SEMA5A: variants seen among roughly 807,000 people sequenced by gnomAD.
The protein encoded by SEMA5A is semaphorin 5A.
Under a neutral mutation model 135.5 loss-of-function variants are expected in SEMA5A, and 55 were observed. That is an observed-to-expected ratio of 0.41 (90% CI 0.33 to 0.51). SEMA5A has a LOEUF of 0.51. Ranked by LOEUF, SEMA5A falls within the 20% of genes least tolerant of loss-of-function variation. The pLI is 0.37. For missense variants in SEMA5A, 1,290 were observed against 1,419.9 expected, an observed-to-expected ratio of 0.91 and a Z score of 1.47; for synonymous variants, 580 against 546.5, an observed-to-expected ratio of 1.06 and a Z score of -0.85.
At chr5:9,221,333 C>G (rs568150888) in intron 8 of SEMA5A, among the ~76,000 whole-genome samples, 5 of 137,108 alleles carry the variant, frequency 3.6e-5, no homozygotes, top group Non-Finnish European at 7.7e-5. Flanking sequence ...GACGGAGTCT[C>G]GCTGTGTCAC....
intron 5 of SEMA5A, 50 bp downstream of exon 5, chr5:9,318,322 A>G: frequency 1.3e-6 from 2 of 1,532,444 alleles, no homozygotes; most frequent in Non-Finnish European, 1.8e-6. Context: ...TCAAACAGTG[A>G]GTTAATTGGG....
At chr5:9,212,529 T>A (rs927876273) in intron 8 of SEMA5A, among the ~76,000 whole-genome samples, 4 of 152,142 alleles carry the variant, frequency 2.6e-5, no homozygotes, top group African/African-American at 4.8e-5. Flanking sequence ...GAAATGACAA[T>A]AAATAATGGC....
At chr5:9,415,362 A>T (rs1757247332) in intron 2 of SEMA5A, among the ~76,000 whole-genome samples, 1 of 152,166 alleles carries the variant, frequency 6.6e-6, no homozygotes. Flanking sequence ...ATCATTGAAC[A>T]CAGACACATG....
At chr5:9,533,682 T>C (rs1293590425) in intron 1 of SEMA5A, among the ~76,000 whole-genome samples, 1 of 152,236 alleles carries the variant, frequency 6.6e-6, no homozygotes, top group African/African-American at 2.4e-5. Flanking sequence ...ATTTCAAACA[T>C]GCAGACTTTA....
At chr5:9,482,001 T>A (rs1759896045) in intron 1 of SEMA5A, among the ~76,000 whole-genome samples, 3 of 152,232 alleles carry the variant, frequency 2.0e-5, no homozygotes, top group Admixed American at 2.0e-4. Context: ...ATCAAACTGA[T>A]GTTTCAGTCA....
chr5:9,182,853 T>G (rs1307870225), intron 11 of SEMA5A, among the ~76,000 whole-genome samples: 1 of 152,172 alleles, frequency 6.6e-6, no homozygotes, highest in African/African-American at 2.4e-5. Flanking sequence ...GATGTATAGA[T>G]AGTAATCTTT....
At chr5:9,070,843 G>A (rs573375159) in intron 16 of SEMA5A, among the ~76,000 whole-genome samples, 1 of 152,194 alleles carries the variant, frequency 6.6e-6, no homozygotes, top group Non-Finnish European at 1.5e-5. Context: ...ATGAAATGGT[G>A]AGAAATGGTA....
intron 1 of SEMA5A, among the ~76,000 whole-genome samples, chr5:9,504,369 CTT>C (rs761838850): frequency 6.6e-6 from 1 of 152,100 alleles, no homozygotes; most frequent in Non-Finnish European, 1.5e-5. Flanking sequence ...CAAAAAACCT[CTT>C]TTCATTAATG....
intron 13 of SEMA5A, among the ~76,000 whole-genome samples, chr5:9,134,433 C>A (rs1393534238): frequency 6.6e-6 from 1 of 152,198 alleles, no homozygotes; most frequent in Non-Finnish European, 1.5e-5. Flanking sequence ...CAGGCATGAG[C>A]CACTGTGCCC....
intron 13 of SEMA5A, among the ~76,000 whole-genome samples, chr5:9,128,244 G>A (rs1026987815): frequency 1.3e-5 from 2 of 152,206 alleles, no homozygotes; most frequent in East Asian, 3.9e-4. Flanking sequence ...GGCCAGGGTT[G>A]AATCCTGACT....
chr5:9,334,555 T>C (rs1281710974), intron 4 of SEMA5A, among the ~76,000 whole-genome samples: 1 of 152,238 alleles, frequency 6.6e-6, no homozygotes, highest in Non-Finnish European at 1.5e-5. Context: ...AATGTGACAG[T>C]AACTTCTCAC....
Position 9,197,041 on chromosome 5 carries a change from G to A in SEMA5A, c.1068+127C>T, listed in dbSNP as rs1745424522. On this transcript the variant is annotated intron_variant, in intron 10 of 22. Coordinates refer to ENST00000382496, the MANE Select transcript of SEMA5A (RefSeq NM_003966.3). ...GCCAGCAGAGTATGGGGCTGTCCATGAGGGGCCAGGGAGACAGCTGCATGG... is the reference window on the plus strand; with the variant it reads ...GCCAGCAGAGTATGGGGCTGTCCATAAGGGGCCAGGGAGACAGCTGCATGG... 7 of 1,322,024 alleles carry A rather than the reference G, an allele frequency of 5.3e-6. No homozygotes were observed. The East Asian group carries it at 1.4e-4, about 27-fold the overall frequency. The allele number at this position is 1,322,024 out of a possible 1,614,324, so 81.9% of individuals were successfully genotyped here. A position where few individuals can be genotyped will look rare whatever the true frequency, so the allele number is the denominator to read the frequency against.
intron 5 of SEMA5A, among the ~76,000 whole-genome samples, chr5:9,272,786 G>T (rs929940588): frequency 1.3e-5 from 2 of 152,122 alleles, no homozygotes; most frequent in African/African-American, 4.8e-5. Context: ...ATGTTAGAAG[G>T]AACACTAACA....
chr5:9,419,571 C>G (rs568614463), intron 2 of SEMA5A, among the ~76,000 whole-genome samples: 2 of 152,276 alleles, frequency 1.3e-5, no homozygotes, highest in Admixed American at 1.3e-4. Flanking sequence ...TTTAAACATG[C>G]ACACATCTGG....
rs199940292 is a variant in SEMA5A, at chr5:9,092,734, A to G, written c.2073+15406T>C. ...AACACAAAATGTGTTGCATTGTAAG[A>G]GATAGTAAGAATGAACCCAAGAGTA... is the stretch of plus-strand genomic sequence containing the variant. On this transcript the variant is annotated intron_variant, in intron 16 of 22. Transcript: ENST00000382496. 3.4e-3 allele frequency among the ~76,000 whole-genome samples: 511 copies of G among 152,342 alleles called. 4 individuals carry two copies. The East Asian group carries it at 0.048, about 14-fold the overall frequency.
intron 21 of SEMA5A, among the ~76,000 whole-genome samples, chr5:9,049,372 G>A (rs1736444916): frequency 6.6e-6 from 1 of 152,096 alleles, no homozygotes; most frequent in African/African-American, 2.4e-5. Context: ...ATGTTGGAAA[G>A]GCTCATCTCG....
intron 5 of SEMA5A, among the ~76,000 whole-genome samples, chr5:9,249,633 A>G (rs1471204870): frequency 6.6e-6 from 1 of 152,172 alleles, no homozygotes; most frequent in Non-Finnish European, 1.5e-5. Flanking sequence ...TACAATATAT[A>G]TGAAAGATGT....
chr5:9,388,579 A>G (rs1000924081), intron 2 of SEMA5A, among the ~76,000 whole-genome samples: 63 of 152,294 alleles, frequency 4.1e-4, no homozygotes, highest in African/African-American at 1.5e-3. Flanking sequence ...TCCTCAGGGC[A>G]GAAAATTCAT....
intron 16 of SEMA5A, among the ~76,000 whole-genome samples, chr5:9,105,441 T>A (rs987149683): frequency 6.6e-6 from 1 of 152,244 alleles, no homozygotes; most frequent in Admixed American, 6.5e-5. Context: ...TAAACTGCTA[T>A]AATAATCAGG....
Sources: allele counts gnomAD v4.1 joint callset (sites outside exome capture counted in the v4.1 genomes callset), GRCh38; gene constraint gnomAD v4.1.1; transcripts MANE v1.5; gene names NCBI Gene and HGNC (gene_info 2026-07-23, HGNC 2026-07-21).